Variants in STAT6 observed in about 807,000 individuals in gnomAD.
STAT6 encodes the protein signal transducer and activator of transcription 6.
STAT6 carries 45 observed loss-of-function variants against 106.3 expected under a neutral mutation model. The ratio of observed to expected loss-of-function variants is 0.42; its 90% CI spans 0.33 to 0.54. STAT6 has a LOEUF of 0.54. Ranked by LOEUF, STAT6 falls within the 20% of genes least tolerant of loss-of-function variation. The pLI is 0.06. For synonymous variants in STAT6, 413 were observed against 413.6 expected (o/e 1.00, Z 0.02); for missense variants, 797 against 1,062.2 (o/e 0.75, Z 3.47).
chr12:57,105,342 G>A lies in STAT6; in HGVS notation c.813-3C>T, dbSNP rs2034201686. On this transcript the variant is annotated splice_polypyrimidine_tract_variant and splice_region_variant and intron_variant, in intron 8 of 21. Transcript: ENST00000300134. ...GCTGCTTCTCCACCAGGAAGCAACT[G>A]GGAGTGAGGAGGACACAAGGGGAGT... The A allele has an allele frequency of 6.2e-7, 1 of 1,613,708 alleles. No individual in the cohort carries two copies. Among genetic ancestry groups the A allele is most frequent in the African/African-American group, 1.3e-5 (1 of 74,916 alleles).
In STAT6 at chr12:57,099,488, C is replaced by G. The variant is rs552490288; in HGVS notation, c.1745-48G>C. The G allele has an allele frequency of 1.4e-5, 22 of 1,612,102 alleles. No individual in the cohort carries two copies. The South Asian group carries it at 2.4e-4, about 18-fold the overall frequency. On this transcript the variant is annotated intron_variant, in intron 15 of 21. Coordinates refer to ENST00000300134, the MANE Select transcript of STAT6 (RefSeq NM_003153.5). The surrounding 1 kb of genome is among the most constrained non-coding windows in gnomAD (Gnocchi z 4.7). ...AGATCCCTCTGTCCGGACTTTCTTC[C>G]CCTTCCCCAACCCCTACCATAAGAC...
chr12:57,100,692 GAAAGAAAGAGAAAGAAAGAA>G (rs1211964028), intron 13 of STAT6, among the ~76,000 whole-genome samples: 758 of 49,856 alleles, frequency 0.015, 2 homozygotes, highest in African/African-American at 0.02. Flanking sequence ...AAGAAAGAAA[GAAAGAAAGAGAAAGAAAGAA>G]AGAAAGAAAG....
At chr12:57,104,399 C>T in intron 11 of STAT6, 65 bp downstream of exon 11, 1 of 1,563,376 alleles carries the variant, frequency 6.4e-7, no homozygotes, top group Non-Finnish European at 8.7e-7. Context: ...GTCCAGGGCC[C>T]TTGTGTGTGG....
chr12:57,109,077 C>T (rs1474321128), intron 1 of STAT6, among the ~76,000 whole-genome samples: 1 of 152,150 alleles, frequency 6.6e-6, no homozygotes, highest in African/African-American at 2.4e-5. Context: ...TGGCGAGCGC[C>T]TGTAGTCCCA....
Position 57,096,499 on chromosome 12 carries a change from T to G in STAT6, c.*73A>C. 5.2e-5 allele frequency: 74 copies of G among 1,420,780 alleles called. No homozygotes were observed. The highest frequency in any genetic ancestry group is 6.5e-5 in the Non-Finnish European group (69 of 1,053,792). 88.0% of individuals were successfully genotyped at this position (1,420,780 alleles called of 1,614,324 possible). On this transcript the variant is annotated 3_prime_UTR_variant, in exon 22 of 22. Transcript: ENST00000300134. ...TCCCCATCTGCTGCTTGGCAGGGCA[T>G]GAGCAAGTGTCCAGAGCAGGTCTGT... is the stretch of plus-strand genomic sequence containing the variant.
intron 18 of STAT6, 82 bp from the exon 19 acceptor site, chr12:57,098,679 C>A: frequency 6.4e-7 from 1 of 1,563,434 alleles, no homozygotes; most frequent in Non-Finnish European, 8.8e-7. Context: ...GTGTCCCTCT[C>A]ATGGAAAGGA....
chr12:57,101,964 A>C (rs1053660563), intron 13 of STAT6, among the ~76,000 whole-genome samples: 8 of 152,174 alleles, frequency 5.3e-5, no homozygotes, highest in African/African-American at 1.4e-4. Context: ...GTGCCCGGCC[A>C]GGAACTATTT....
intron 2 of STAT6, among the ~76,000 whole-genome samples, 174 bp downstream of exon 2, chr12:57,107,989 A>G (rs1260575532): frequency 1.3e-5 from 2 of 152,192 alleles, no homozygotes; most frequent in Non-Finnish European, 2.9e-5. Context: ...TCCATCTGTC[A>G]ACATTCATAG....
In STAT6 at chr12:57,099,178, C is replaced by T; in HGVS notation, c.1892-100G>A. 1 of 1,596,748 alleles carries T rather than the reference C, an allele frequency of 6.3e-7. No homozygotes were observed. ...GGATCATGGGGAAGTAAGAGAAGCACAGCTATGAAATAGGGAGTGACATCA... is the reference window on the plus strand; with the variant it reads ...GGATCATGGGGAAGTAAGAGAAGCATAGCTATGAAATAGGGAGTGACATCA... On this transcript the variant is annotated intron_variant, in intron 16 of 21. Transcript: ENST00000300134. The surrounding 1 kb of genome is among the most constrained non-coding windows in gnomAD (Gnocchi z 4.7).
intron 1 of STAT6, 67 bp downstream of exon 1, chr12:57,111,062 C>T (rs960700332): frequency 1.3e-5 from 2 of 151,360 alleles, no homozygotes; most frequent in Non-Finnish European, 1.5e-5. Flanking sequence ...CCCGAGAGCT[C>T]CCCCCACGAA....
intron 13 of STAT6, 23 bp from the exon 14 acceptor site, chr12:57,100,113 G>A (rs2033725599): frequency 1.9e-6 from 3 of 1,567,812 alleles, no homozygotes; most frequent in Non-Finnish European, 2.6e-6. Flanking sequence ...GGGGAAAGGT[G>A]TGAGCCGAGG....
At chr12:57,100,644 GAAAGAA>G (rs869183568) in intron 13 of STAT6, among the ~76,000 whole-genome samples, 11 of 81,010 alleles carry the variant, frequency 1.4e-4, no homozygotes, top group East Asian at 1.0e-3. Context: ...GAAAGAGAAA[GAAAGAA>G]AGAAAGAAAG....
At chr12:57,101,041 T>G (rs2033895681) in intron 13 of STAT6, 1 of 211,550 alleles carries the variant, frequency 4.7e-6, no homozygotes, top group African/African-American at 2.4e-5. Flanking sequence ...CACATGTCCC[T>G]GTGGGATTTT....
Position 57,096,966 on chromosome 12 carries a change from C to T in STAT6, c.2238G>A (p.Pro746=), listed in dbSNP as rs149082783. ...ACACAGCATGCTCCTGAGGCTGGCA[C>T]GGCAGCAGGCCCCTGCCAGGAACCA... The part of the protein sequence containing the change: ...FDQPHPQGLL[P]CQPQEHAVSS... Residue 746 remains proline, a synonymous_variant, in exon 21 of 22, where the codon CCG becomes CCA. Coordinates refer to ENST00000300134, the MANE Select transcript of STAT6 (RefSeq NM_003153.5). 1.3e-5 allele frequency: 21 copies of T among 1,613,192 alleles called. No individual in the cohort carries two copies. The highest frequency in any genetic ancestry group is 9.4e-5 in the African/African-American group (7 of 74,866).
intron 1 of STAT6, among the ~76,000 whole-genome samples, chr12:57,110,819 TC>T (rs943718502): frequency 7.9e-5 from 12 of 151,904 alleles, no homozygotes; most frequent in Non-Finnish European, 1.5e-5. Flanking sequence ...GGCGGCCACT[TC>T]CCCCGACTCA....
chr12:57,100,370 C>T (rs1450683994), intron 13 of STAT6, among the ~76,000 whole-genome samples: 2 of 152,100 alleles, frequency 1.3e-5, no homozygotes, highest in Non-Finnish European at 2.9e-5. Context: ...CCAAAAACGT[C>T]GAATGACTTG....
At position 57,096,722 on chromosome 12, in the gene STAT6, A is replaced by G; in HGVS notation, c.2394T>C (p.Thr798=). The G allele has an allele frequency of 6.2e-7, 1 of 1,612,458 alleles. No individual in the cohort carries two copies. The highest frequency in any genetic ancestry group is 8.5e-7 in the Non-Finnish European group (1 of 1,179,380). The part of the protein sequence containing the change: ...EDIFPPLLPP[T]EQDLTKLLLE... The stretch of plus-strand genomic sequence containing the variant: ...GGAGAAGCTTAGTGAGGTCCTGTTC[A>G]GTGGGAGGCAGCAGAGGAGGGAATA... Residue 798 remains threonine, a synonymous_variant, in exon 22 of 22, where the codon ACT becomes ACC. Coordinates refer to ENST00000300134, the MANE Select transcript of STAT6 (RefSeq NM_003153.5).
Position 57,099,919 on chromosome 12 carries a change from G to C in STAT6, c.1608-16C>G, listed in dbSNP as rs749738823. On this transcript the variant is annotated splice_polypyrimidine_tract_variant and intron_variant, in intron 14 of 21. Transcript: ENST00000300134. This position sits in a 1 kb window ranked among gnomAD's most constrained non-coding sequence, Gnocchi z 4.7. ...AATGATCAGCCTGGCCGGGATGAAG[G>C]AGAGGATGGGGCATGGGCAGTGAGT... is the stretch of plus-strand genomic sequence containing the variant. The C allele has an allele frequency of 6.2e-7, 1 of 1,614,112 alleles. No homozygotes were observed. The highest frequency in any genetic ancestry group is 1.3e-5 in the African/African-American group (1 of 74,938).
chr12:57,106,915 G>A lies in STAT6; in HGVS notation c.340-84C>T, dbSNP rs578122694. The A allele has an allele frequency of 2.3e-4, 357 of 1,571,634 alleles. 1 individual carries two copies. The highest frequency in any genetic ancestry group is 2.9e-4 in the Non-Finnish European group (337 of 1,161,780). ...GCCTCCACTCTCTGCTCTGCAGATA[G>A]CGTTTTCTTGTTCCCCTCTCCCCTT... is the stretch of plus-strand genomic sequence containing the variant. On this transcript the variant is annotated intron_variant, in intron 4 of 21. Coordinates refer to ENST00000300134, the MANE Select transcript of STAT6 (RefSeq NM_003153.5).
Sources: allele counts gnomAD v4.1 joint callset (sites outside exome capture counted in the v4.1 genomes callset), GRCh38; gene constraint gnomAD v4.1.1; non-coding constraint Gnocchi (gnomAD v3.1); transcripts MANE v1.5; gene names NCBI Gene and HGNC (gene_info 2026-07-23, HGNC 2026-07-21).